DIP2B: variants seen among roughly 807,000 people sequenced by gnomAD.
The protein encoded by DIP2B is disco-interacting protein 2 homolog B.
A neutral mutation model predicts 198.0 loss-of-function variants in DIP2B; 76 were observed. The ratio of observed to expected loss-of-function variants is 0.38; its 90% CI spans 0.32 to 0.46. DIP2B has a LOEUF of 0.46. Among genes scored for constraint, DIP2B ranks in the 20% least tolerant of loss-of-function variants. The pLI, the probability that DIP2B is intolerant of heterozygous loss-of-function variation, is 0.99. For synonymous variants in DIP2B, 701 were observed against 739.1 expected (o/e 0.95, Z 0.84); for missense variants, 1,559 against 1,978.4 (o/e 0.79, Z 4.02).
intron 1 of DIP2B, among the ~76,000 whole-genome samples, chr12:50,598,999 A>AC (rs959577393): frequency 7.0e-6 from 1 of 142,134 alleles, no homozygotes; most frequent in African/African-American, 2.6e-5. Context: ...AAAAAAAAAA[A>AC]AAACTCTTGG....
intron 1 of DIP2B, among the ~76,000 whole-genome samples, chr12:50,508,306 G>C (rs879581337): frequency 1.3e-5 from 2 of 152,192 alleles, no homozygotes; most frequent in Non-Finnish European, 2.9e-5. Flanking sequence ...AATTTTTAAT[G>C]ATCCACATAT....
Position 50,714,383 on chromosome 12 carries a change from G to A in DIP2B, c.2650-12G>A, listed in dbSNP as rs764897402. ...GTGATCTCACTGAGTATTTTTGTTT[G>A]TATTTTTCTAGGCGATCGATAGCAT... is the stretch of plus-strand genomic sequence containing the variant. On this transcript the variant is annotated splice_polypyrimidine_tract_variant and intron_variant, in intron 22 of 37. Coordinates refer to ENST00000301180, the MANE Select transcript of DIP2B (RefSeq NM_173602.3). 3 of 1,614,000 alleles carry A rather than the reference G, an allele frequency of 1.9e-6. No individual in the cohort carries two copies. Among genetic ancestry groups the A allele is most frequent in the African/African-American group, 1.3e-5 (1 of 75,032 alleles).
rs996422798 is a variant in DIP2B, at chr12:50,538,361, G to A, written c.100+33121G>A. Among the ~76,000 whole-genome samples, 14 of 152,168 alleles carry A rather than the reference G, an allele frequency of 9.2e-5. 1 individual carries two copies. Among genetic ancestry groups the A allele is most frequent in the Admixed American group, 7.9e-4 (12 of 15,266 alleles). Reference sequence around the variant, plus strand: ...GCATCAGCCATCGGGGAGTGTGAGAGGAATTAATGAAACACTGAAAGCATT... The same window carrying A: ...GCATCAGCCATCGGGGAGTGTGAGAAGAATTAATGAAACACTGAAAGCATT... On this transcript the variant is annotated intron_variant, in intron 1 of 37. Transcript: ENST00000301180.
intron 18 of DIP2B, 78 bp from the exon 19 acceptor site, chr12:50,698,988 G>A: frequency 1.3e-6 from 2 of 1,533,650 alleles, no homozygotes; most frequent in Admixed American, 3.9e-5. Flanking sequence ...GACTTTCTTG[G>A]GTTCACAGGA....
intron 2 of DIP2B, among the ~76,000 whole-genome samples, chr12:50,635,383 A>G (rs1938140238): frequency 6.6e-6 from 1 of 152,206 alleles, no homozygotes; most frequent in African/African-American, 2.4e-5. Context: ...TTTTAGGGAT[A>G]AATAATAAGT....
intron 1 of DIP2B, among the ~76,000 whole-genome samples, chr12:50,512,723 C>T (rs1440345882): frequency 5.3e-5 from 8 of 151,806 alleles, no homozygotes; most frequent in African/African-American, 1.4e-4. Flanking sequence ...AAAGGAATGA[C>T]GGTGGTGTGC....
At chr12:50,731,348 C>T (rs759350818) in intron 30 of DIP2B, 21 bp from the exon 31 acceptor site, 3 of 1,608,192 alleles carry the variant, frequency 1.9e-6, no homozygotes, top group Non-Finnish European at 2.5e-6. Context: ...ATGATTCCAG[C>T]TCTTGTCTCT....
rs1958210041 is a variant in DIP2B at position 50,530,762 on chromosome 12, G to A, written c.100+25522G>A. On this transcript the variant is annotated intron_variant, in intron 1 of 37. Transcript: ENST00000301180. ...TTTGTAGGTGTGATAGGAGAAAGGC[G>A]GACTGGTAAGTTTCTTCCTTAGGCA... 1.3e-5 allele frequency among the ~76,000 whole-genome samples: 2 copies of A among 152,106 alleles called. 1 individual carries two copies. Among genetic ancestry groups the A allele is most frequent in the South Asian group, 4.1e-4 (2 of 4,824 alleles).
intron 1 of DIP2B, among the ~76,000 whole-genome samples, chr12:50,566,047 T>A (rs1958560622): frequency 6.6e-6 from 1 of 152,138 alleles, no homozygotes; most frequent in African/African-American, 2.4e-5. Context: ...GTACTTTTTC[T>A]TTTCTTTTTT....
intron 1 of DIP2B, among the ~76,000 whole-genome samples, chr12:50,592,700 A>T (rs755849713): frequency 4.0e-5 from 6 of 151,240 alleles, no homozygotes; most frequent in East Asian, 1.9e-4. Flanking sequence ...CTGGTCTCGA[A>T]CTCCTGACCT....
chr12:50,535,657 C>T (rs1391675322), intron 1 of DIP2B, among the ~76,000 whole-genome samples: 1 of 151,896 alleles, frequency 6.6e-6, no homozygotes, highest in Non-Finnish European at 1.5e-5. Flanking sequence ...AGATGTGAAC[C>T]ACCACGTCTG....
chr12:50,595,150 A>G (rs574790007), intron 1 of DIP2B, among the ~76,000 whole-genome samples: 2 of 152,350 alleles, frequency 1.3e-5, no homozygotes, highest in South Asian at 4.1e-4. Context: ...ATTCACAGCC[A>G]TTGGCTCTAA....
intron 19 of DIP2B, among the ~76,000 whole-genome samples, chr12:50,700,214 G>C (rs544917495): frequency 1.3e-5 from 2 of 152,276 alleles, no homozygotes; most frequent in South Asian, 4.1e-4. Flanking sequence ...ACTCGCACAC[G>C]GTTTTCCTGC....
In DIP2B at chr12:50,695,925, A is replaced by G. The variant is rs776534923; in HGVS notation, c.1891A>G (p.Ser631Gly). The G allele has an allele frequency of 1.9e-6, 3 of 1,614,128 alleles. 1 individual carries two copies. The South Asian group carries it at 3.3e-5, about 18-fold the overall frequency. ...AHRDQRDVSL[S>G]SLRMLIVTDG... ...TCGGGACCAAAGAGACGTGAGCTTG[A>G]GTTCCCTCCGAATGTTAATTGTGAC... The change falls in exon 16 of 38, where the codon AGT becomes GGT. Residue 631 changes from serine to glycine, a missense_variant. Transcript: ENST00000301180.
chr12:50,578,261 G>C (rs1958681060), intron 1 of DIP2B, among the ~76,000 whole-genome samples: 1 of 151,900 alleles, frequency 6.6e-6, no homozygotes, highest in African/African-American at 2.4e-5. Context: ...CCTGCCTCGG[G>C]CTCCCAAAGT....
intron 32 of DIP2B, 116 bp downstream of exon 32, chr12:50,732,652 T>G (rs1940064812): frequency 6.8e-6 from 9 of 1,318,070 alleles, no homozygotes; most frequent in Non-Finnish European, 9.4e-6. Context: ...CTTACTTGCT[T>G]TGGAACTTCG....
intron 1 of DIP2B, among the ~76,000 whole-genome samples, chr12:50,554,126 C>G (rs1278513798): frequency 2.6e-5 from 4 of 152,136 alleles, no homozygotes; most frequent in African/African-American, 9.7e-5. Context: ...AAGATAACCT[C>G]TTTTACTTCC....
intron 22 of DIP2B, among the ~76,000 whole-genome samples, chr12:50,710,064 C>T (rs1939587071): frequency 6.6e-6 from 1 of 152,140 alleles, no homozygotes; most frequent in African/African-American, 2.4e-5. Context: ...TTCTCTGTCC[C>T]TTCATTCTTC....
At chr12:50,559,709 C>CCACACACACACACACACACA (rs55678718) in intron 1 of DIP2B, among the ~76,000 whole-genome samples, 106 of 139,616 alleles carry the variant, frequency 7.6e-4, no homozygotes, top group East Asian at 4.8e-3. Context: ...GTGACAGAAA[C>CCACACACACACACACACACA]CACACACACA....
Sources: allele counts gnomAD v4.1 joint callset (sites outside exome capture counted in the v4.1 genomes callset), GRCh38; gene constraint gnomAD v4.1.1; transcripts MANE v1.5; gene names NCBI Gene and HGNC (gene_info 2026-07-23, HGNC 2026-07-21).